The following PBRM1 variants were observed in gnomAD, a reference collection of about 807,000 sequenced individuals.
PBRM1 encodes protein polybromo-1.
Under a neutral mutation model 194.5 loss-of-function variants are expected in PBRM1, and 27 were observed. The ratio of observed to expected loss-of-function variants is 0.14; its 90% CI spans 0.10 to 0.19. The LOEUF is 0.19. PBRM1 is among the 10% of genes least tolerant of loss of function. The pLI, the probability that PBRM1 is intolerant of heterozygous loss-of-function variation, is 1.00. For missense variants in PBRM1, 1,466 were observed against 2,077.2 expected (o/e 0.71, Z 5.72); for synonymous variants, 655 against 693.2 (o/e 0.94, Z 0.87).
At chr3:52,601,473 C>T (rs1417885064) in intron 17 of PBRM1, among the ~76,000 whole-genome samples, 1 of 152,074 alleles carries the variant, frequency 6.6e-6, no homozygotes, top group African/African-American at 2.4e-5. Flanking sequence ...AGGGTTCATG[C>T]TCCTATGAGA....
intron 6 of PBRM1, among the ~76,000 whole-genome samples, chr3:52,649,927 CTG>C (rs995980924): frequency 4.6e-5 from 7 of 152,068 alleles, no homozygotes; most frequent in Non-Finnish European, 7.4e-5. Flanking sequence ...AAAGAGAAGA[CTG>C]GGGCTGAGAT....
intron 15 of PBRM1, among the ~76,000 whole-genome samples, chr3:52,612,698 G>A (rs530108736): frequency 6.6e-6 from 1 of 152,174 alleles, no homozygotes; most frequent in South Asian, 2.1e-4. Flanking sequence ...GAGGTCAGGA[G>A]ATCGAGACCA....
At chr3:52,648,359 G>C in exon 7 of PBRM1, 1 of 1,599,742 alleles carries the variant, frequency 6.3e-7, no homozygotes, top group Non-Finnish European at 8.6e-7. Context: ...ATACTTGAGA[G>C]CCAGGCTCAT....
At chr3:52,546,008 C>T (rs887940603), downstream of PBRM1, 9 of 233,056 alleles carry the variant, frequency 3.9e-5, no homozygotes, top group East Asian at 6.1e-5. Flanking sequence ...TGCCCTGGGC[C>T]GGTGCTGCAC....
At chr3:52,554,952 C>A (rs2081917443) in intron 26 of PBRM1, 73 bp from the exon 29 acceptor site, 1 of 1,203,210 alleles carries the variant, frequency 8.3e-7, no homozygotes, top group Non-Finnish European at 1.2e-6. Flanking sequence ...CAACCAACCC[C>A]CACATGCACT....
chr3:52,673,377 C>T (rs2096996960), intron 2 of PBRM1, among the ~76,000 whole-genome samples: 1 of 151,544 alleles, frequency 6.6e-6, no homozygotes, highest in Non-Finnish European at 1.5e-5. Flanking sequence ...AAAAAACATG[C>T]TTCACTCTCG....
chr3:52,662,198 C>T (rs1355959617), exon 4 of PBRM1: 1 of 1,613,898 alleles, frequency 6.2e-7, no homozygotes, highest in Non-Finnish European at 8.5e-7. Flanking sequence ...TCTGCTTCTC[C>T]TTTCTGAACA....
intron 26 of PBRM1, among the ~76,000 whole-genome samples, chr3:52,556,464 G>A (rs144243446): frequency 1.9e-4 from 29 of 152,218 alleles, no homozygotes; most frequent in African/African-American, 6.5e-4. Context: ...TTAAGTAGGC[G>A]GGAAATTTAA....
At chr3:52,662,943 T>C (rs998246091) in intron 3 of PBRM1, among the ~76,000 whole-genome samples, 5 of 152,148 alleles carry the variant, frequency 3.3e-5, no homozygotes, top group Non-Finnish European at 7.4e-5. Context: ...ACGGTTCTGA[T>C]GTTATTAATA....
chr3:52,634,904 G>A, intron 10 of PBRM1, 89 bp from the exon 12 acceptor site: 1 of 878,964 alleles, frequency 1.1e-6, no homozygotes, highest in Non-Finnish European at 1.8e-6. Flanking sequence ...CTTCCAGATT[G>A]AACTAAATAT....
intron 20 of PBRM1, among the ~76,000 whole-genome samples, chr3:52,582,499 T>C (rs2091496824): frequency 6.8e-6 from 1 of 147,470 alleles, no homozygotes; most frequent in Admixed American, 6.9e-5. Context: ...AGCCTCCACC[T>C]ACTGGGTTCA....
At chr3:52,616,975 A>G (rs1199466805) in intron 14 of PBRM1, among the ~76,000 whole-genome samples, 1 of 152,230 alleles carries the variant, frequency 6.6e-6, no homozygotes, top group Non-Finnish European at 1.5e-5. Flanking sequence ...TACTATTATT[A>G]GCCCTAATTT....
chr3:52,548,211 G>A (rs1307117980), exon 30 of PBRM1: 4 of 1,588,140 alleles, frequency 2.5e-6, no homozygotes, highest in Middle Eastern at 1.7e-4. Context: ...CTGTTCTTTC[G>A]ACAAATGGAC....
chr3:52,631,129 T>G (rs2095603836), intron 11 of PBRM1, among the ~76,000 whole-genome samples: 1 of 152,124 alleles, frequency 6.6e-6, no homozygotes, highest in Admixed American at 6.6e-5. Context: ...TGTATCCTAC[T>G]TGTATACAGG....
chr3:52,586,216 G>C (rs976213054), intron 20 of PBRM1: 7 of 460,664 alleles, frequency 1.5e-5, no homozygotes, highest in Non-Finnish European at 2.7e-5. Context: ...TTACAGGCGT[G>C]AACCAATGCA....
intron 2 of PBRM1, among the ~76,000 whole-genome samples, chr3:52,671,906 C>T (rs1036611277): frequency 6.6e-6 from 1 of 152,158 alleles, no homozygotes; most frequent in African/African-American, 2.4e-5. Flanking sequence ...TGGTAACTAC[C>T]CACTGTAGCA....
rs146090743 is a variant in PBRM1 at position 52,644,991 on chromosome 3, T to C, written c.814-202A>G. Among the ~76,000 whole-genome samples the C allele has an allele frequency of 3.3e-5, 5 of 152,320 alleles. No individual in the cohort carries two copies. In the East Asian group the frequency reaches 7.7e-4, roughly 24 times the overall value. Reference sequence around the variant, plus strand: ...TCATAAAGTTGTCACTAATTAAATATAAGTTAAAATGCCTCCTAGTTCTTT... The same window carrying C: ...TCATAAAGTTGTCACTAATTAAATACAAGTTAAAATGCCTCCTAGTTCTTT... On this transcript the variant is annotated intron_variant, in intron 7 of 29. Transcript: ENST00000296302.
intron 2 of PBRM1, among the ~76,000 whole-genome samples, chr3:52,674,158 C>A (rs1464389989): frequency 1.3e-5 from 2 of 151,298 alleles, no homozygotes; most frequent in Admixed American, 6.6e-5. Context: ...AAAAGATCAA[C>A]AAAATTGGTA....
intron 17 of PBRM1, among the ~76,000 whole-genome samples, chr3:52,592,679 T>C (rs574630097): frequency 5.9e-5 from 9 of 152,298 alleles, no homozygotes; most frequent in South Asian, 2.1e-4. Context: ...AAAGAATGAG[T>C]TGGGGAGGAG....
Sources: allele counts gnomAD v4.1 joint callset (sites outside exome capture counted in the v4.1 genomes callset), GRCh38; gene constraint gnomAD v4.1.1; transcripts MANE v1.5; gene names NCBI Gene and HGNC (gene_info 2026-07-23, HGNC 2026-07-21).